TENM4: variants seen among roughly 807,000 people sequenced by gnomAD.
TENM4 encodes the protein teneurin transmembrane protein 4.
TENM4 carries 82 observed loss-of-function variants against 243.3 expected under a neutral mutation model. That is an observed-to-expected ratio of 0.34 (90% confidence interval 0.28 to 0.40). The LOEUF is 0.40. TENM4 is among the 10% of genes least tolerant of loss of function. The probability of loss-of-function intolerance (pLI) is 1.00; values close to 1 mark genes in which losing one functional copy is unlikely to be tolerated. For synonymous variants in TENM4, 1,412 were observed against 1,456.3 expected (o/e 0.97, Z 0.69); for missense variants, 3,138 against 3,673.3 (o/e 0.85, Z 3.77).
At chr11:79,275,584 C>T (rs955920630) in intron 2 of TENM4, among the ~76,000 whole-genome samples, 5 of 152,226 alleles carry the variant, frequency 3.3e-5, no homozygotes, top group African/African-American at 1.2e-4. Context: ...CTCCACTCCC[C>T]AGGCCTTCCC....
chr11:79,252,193 G>A (rs2135306114), intron 2 of TENM4, among the ~76,000 whole-genome samples: 1 of 152,338 alleles, frequency 6.6e-6, no homozygotes, highest in South Asian at 2.1e-4. Context: ...GCAGCACACG[G>A]TTTAACAGTC....
chr11:78,916,236 T>C (rs1180032342), intron 6 of TENM4, among the ~76,000 whole-genome samples: 4 of 152,234 alleles, frequency 2.6e-5, no homozygotes, highest in African/African-American at 9.6e-5. Context: ...ATGGGGATAA[T>C]AGCATAATCT....
In TENM4 at chr11:78,805,277, T is replaced by TCCCCACCCACCCCACCCCCC; in HGVS notation, c.2179+14_2179+15insGGGGGGTGGGGTGGGTGGGG. 10 of 1,402,544 alleles carry TCCCCACCCACCCCACCCCCC rather than the reference T, an allele frequency of 7.1e-6. No homozygotes were observed. The highest frequency in any genetic ancestry group is 3.9e-5 in the Admixed American group (2 of 51,030). The allele number at this position is 1,402,544 out of a possible 1,614,324, so 86.9% of individuals were successfully genotyped here. A position where few individuals can be genotyped will look rare whatever the true frequency, so the allele number is the denominator to read the frequency against. ...CCCCTCCCTCTACCCATGCTTCTTC[T>TCCCCACCCACCCCACCCCCC]CCCCCTGCATTTACCGATAGAACAG... On this transcript the variant is annotated intron_variant, in intron 15 of 33. Coordinates refer to ENST00000278550, the MANE Select transcript of TENM4 (RefSeq NM_001098816.3).
At chr11:78,717,230 C>T in intron 25 of TENM4, among the ~76,000 whole-genome samples, 1 of 152,194 alleles carries the variant, frequency 6.6e-6, no homozygotes, top group Non-Finnish European at 1.5e-5. Flanking sequence ...ACTCTGCCCT[C>T]ATTCTGGATG....
chr11:78,997,331 A>G (rs1276906491), intron 6 of TENM4, among the ~76,000 whole-genome samples: 1 of 152,216 alleles, frequency 6.6e-6, no homozygotes, highest in Non-Finnish European at 1.5e-5. Flanking sequence ...CAAAGTTTAC[A>G]TATGTCCTTG....
chr11:79,310,586 A>C (rs1448541548), intron 1 of TENM4, among the ~76,000 whole-genome samples: 2 of 152,234 alleles, frequency 1.3e-5, no homozygotes, highest in African/African-American at 4.8e-5. Flanking sequence ...GACTGAATCT[A>C]AGCCACATAA....
intron 6 of TENM4, among the ~76,000 whole-genome samples, chr11:79,003,259 C>T (rs577253946): frequency 2.6e-5 from 4 of 152,142 alleles, no homozygotes; most frequent in African/African-American, 9.6e-5. Context: ...TTTCCCCAAC[C>T]TTGCTAGAGA....
At chr11:79,426,439 G>C (rs1038752983) in intron 1 of TENM4, among the ~76,000 whole-genome samples, 3 of 152,098 alleles carry the variant, frequency 2.0e-5, no homozygotes, top group African/African-American at 7.2e-5. Flanking sequence ...TGGAAAATGG[G>C]AACTAACAAG....
At chr11:78,673,786 C>T (rs1034548309) in intron 30 of TENM4, among the ~76,000 whole-genome samples, 9 of 152,186 alleles carry the variant, frequency 5.9e-5, no homozygotes, top group South Asian at 2.1e-4. Context: ...TGTGTGTTTC[C>T]TCCTTCTCCC....
At chr11:78,889,526 C>A (rs1855615510) in intron 9 of TENM4, among the ~76,000 whole-genome samples, 1 of 152,212 alleles carries the variant, frequency 6.6e-6, no homozygotes, top group African/African-American at 2.4e-5. Flanking sequence ...ATACCAGGCA[C>A]CCAACACACA....
At chr11:79,167,646 G>A (rs1205779606) in intron 3 of TENM4, among the ~76,000 whole-genome samples, 2 of 152,192 alleles carry the variant, frequency 1.3e-5, no homozygotes, top group African/African-American at 2.4e-5. Flanking sequence ...CTGCCAGAAG[G>A]CTCCAGGTGA....
chr11:79,403,718 G>C (rs1186365195), intron 1 of TENM4, among the ~76,000 whole-genome samples: 1 of 152,074 alleles, frequency 6.6e-6, no homozygotes, highest in African/African-American at 2.4e-5. Context: ...TCAGTACCCA[G>C]ACTGGCACAT....
chr11:78,753,489 T>C (rs1292237676), intron 19 of TENM4, among the ~76,000 whole-genome samples: 1 of 152,246 alleles, frequency 6.6e-6, no homozygotes, highest in East Asian at 1.9e-4. Context: ...AAATAAGCAC[T>C]GTCCTACTGG....
chr11:79,269,750 C>T (rs1855938054), intron 2 of TENM4: 2 of 152,240 alleles, frequency 1.3e-5, no homozygotes, highest in Admixed American at 1.3e-4. Flanking sequence ...ATGCCAATTA[C>T]AGGGGGCTGG....
At chr11:79,335,695 G>A (rs73512771) in intron 1 of TENM4, among the ~76,000 whole-genome samples, 30,629 of 152,100 alleles carry the variant, frequency 0.2, 3,310 homozygotes, top group African/African-American at 0.27. Context: ...TTCACATAAG[G>A]CCTGTGTGCA....
intron 1 of TENM4, among the ~76,000 whole-genome samples, chr11:79,380,985 A>C (rs1246525152): frequency 6.6e-6 from 1 of 152,148 alleles, no homozygotes; most frequent in African/African-American, 2.4e-5. Context: ...GAATTCTTGG[A>C]GGATTAGTGG....
At chr11:78,838,933 T>C (rs912915787) in intron 12 of TENM4, among the ~76,000 whole-genome samples, 3 of 152,232 alleles carry the variant, frequency 2.0e-5, no homozygotes, top group African/African-American at 4.8e-5. Flanking sequence ...TTCCAAGTTA[T>C]TGCAAAAACA....
chr11:78,771,654 G>T (rs993653577), intron 17 of TENM4, among the ~76,000 whole-genome samples: 1 of 152,138 alleles, frequency 6.6e-6, no homozygotes. Context: ...CAATTTTATT[G>T]GACCCTAGGC....
chr11:79,376,099 C>T (rs947546289), intron 1 of TENM4, among the ~76,000 whole-genome samples: 2 of 152,238 alleles, frequency 1.3e-5, no homozygotes, highest in Non-Finnish European at 2.9e-5. Flanking sequence ...TCAGACTTCA[C>T]TGCTGGCCAG....
Sources: allele counts gnomAD v4.1 joint callset (sites outside exome capture counted in the v4.1 genomes callset), GRCh38; gene constraint gnomAD v4.1.1; transcripts MANE v1.5; gene names NCBI Gene and HGNC (gene_info 2026-07-23, HGNC 2026-07-21).